ZBTB20: variants seen among roughly 807,000 people sequenced by gnomAD.
ZBTB20 encodes the protein zinc finger and BTB domain containing 20.
ZBTB20 carries 9 observed loss-of-function variants against 56.9 expected under a neutral mutation model. The ratio of observed to expected loss-of-function variants is 0.16; its 90% CI spans 0.10 to 0.28. The LOEUF is 0.28. ZBTB20 is among the 10% of genes least tolerant of loss of function. The probability of loss-of-function intolerance (pLI) is 1.00; values close to 1 mark genes in which losing one functional copy is unlikely to be tolerated. For missense variants in ZBTB20, 655 were observed against 1,003.0 expected, an observed-to-expected ratio of 0.65 and a Z score of 4.69; for synonymous variants, 417 against 420.7, an observed-to-expected ratio of 0.99 and a Z score of 0.11.
intron 7 of ZBTB20, among the ~76,000 whole-genome samples, chr3:114,406,917 G>C (rs2087387671): frequency 6.6e-6 from 1 of 152,042 alleles, no homozygotes; most frequent in Admixed American, 6.5e-5. Context: ...ACATATCTTT[G>C]TTTTCTTAAA....
At position 114,663,417 on chromosome 3, in the gene ZBTB20, C is replaced by G. The variant is rs1292969495; in HGVS notation, c.-295+30111G>C. On this transcript the variant is annotated intron_variant, in intron 6 of 11. Transcript: ENST00000675478. ...TAAACATGGAAAGGAACAACCGGTA[C>G]CAGCCGCTGCAAAATCATGCCAAAA... Among the ~76,000 whole-genome samples, 108 of 147,194 alleles carry G rather than the reference C, an allele frequency of 7.3e-4. 1 individual carries two copies. Among genetic ancestry groups the G allele is most frequent in the African/African-American group, 2.6e-3 (104 of 40,240 alleles).
At chr3:115,029,506 G>C (rs940454550) in intron 2 of ZBTB20, among the ~76,000 whole-genome samples, 2 of 150,752 alleles carry the variant, frequency 1.3e-5, no homozygotes, top group African/African-American at 4.8e-5. Flanking sequence ...TGTAGTCCTA[G>C]TAAACCATAT....
At chr3:114,894,728 C>T (rs1023890246) in intron 4 of ZBTB20, among the ~76,000 whole-genome samples, 1 of 152,154 alleles carries the variant, frequency 6.6e-6, no homozygotes, top group Non-Finnish European at 1.5e-5. Flanking sequence ...ACAGATCCTT[C>T]CCTCACAGCC....
At chr3:114,562,654 T>G (rs2052222210) in intron 6 of ZBTB20, among the ~76,000 whole-genome samples, 1 of 152,226 alleles carries the variant, frequency 6.6e-6, no homozygotes, top group African/African-American at 2.4e-5. Context: ...CTCACTAAGC[T>G]TAATCATTTT....
At chr3:114,631,013 C>T (rs2058907089) in intron 6 of ZBTB20, among the ~76,000 whole-genome samples, 1 of 152,034 alleles carries the variant, frequency 6.6e-6, no homozygotes, top group African/African-American at 2.4e-5. Flanking sequence ...AATAAGAGGC[C>T]AGTAGATAAA....
At chr3:114,814,405 G>A (rs2072777584) in intron 4 of ZBTB20, among the ~76,000 whole-genome samples, 1 of 151,790 alleles carries the variant, frequency 6.6e-6, no homozygotes, top group African/African-American at 2.4e-5. Context: ...ACCCTTCCAT[G>A]TAACAATTCA....
chr3:115,058,020 G>A (rs938778478), intron 2 of ZBTB20, among the ~76,000 whole-genome samples: 2 of 152,046 alleles, frequency 1.3e-5, no homozygotes, highest in African/African-American at 4.8e-5. Flanking sequence ...TGAGCAAAAG[G>A]GGGAAAAGCC....
chr3:114,834,964 C>T (rs1445396802), intron 4 of ZBTB20, among the ~76,000 whole-genome samples: 3 of 152,122 alleles, frequency 2.0e-5, no homozygotes, highest in Admixed American at 6.6e-5. Flanking sequence ...CTTAAAGCCA[C>T]AGTGAAAGGA....
chr3:114,550,694 GA>G (rs1353667012), intron 6 of ZBTB20, among the ~76,000 whole-genome samples: 5 of 152,102 alleles, frequency 3.3e-5, no homozygotes, highest in African/African-American at 1.2e-4. Flanking sequence ...TCAGTTTGTG[GA>G]TTTGCTCTAC....
At chr3:114,709,631 C>G (rs1266102690) in intron 5 of ZBTB20, among the ~76,000 whole-genome samples, 2 of 152,138 alleles carry the variant, frequency 1.3e-5, no homozygotes, top group Admixed American at 6.6e-5. Flanking sequence ...GTTGAAAATA[C>G]AAGTGCTAGG....
chr3:114,849,738 C>T (rs936678721), intron 4 of ZBTB20, among the ~76,000 whole-genome samples: 1 of 152,030 alleles, frequency 6.6e-6, no homozygotes, highest in Non-Finnish European at 1.5e-5. Context: ...TATACACATG[C>T]ATAGCAAAAA....
At chr3:114,580,475 A>T (rs2054535463) in intron 6 of ZBTB20, among the ~76,000 whole-genome samples, 1 of 151,812 alleles carries the variant, frequency 6.6e-6, no homozygotes. Flanking sequence ...TCCTATTCAC[A>T]CTATACTGAG....
chr3:114,834,879 T>C (rs1465288367), intron 4 of ZBTB20, among the ~76,000 whole-genome samples: 1 of 152,182 alleles, frequency 6.6e-6, no homozygotes, highest in East Asian at 1.9e-4. Flanking sequence ...TATATTTGTA[T>C]TAAAATATTC....
rs1480654659 is a variant in ZBTB20, at chr3:114,335,942, C to T, written c.*3063G>A. ...GGTGGATTCTAACCCAATTGCTTAGCATTTTACATGGCAAATCAGCATTAA... is the reference window on the plus strand; with the variant it reads ...GGTGGATTCTAACCCAATTGCTTAGTATTTTACATGGCAAATCAGCATTAA... On this transcript the variant is annotated 3_prime_UTR_variant, in exon 12 of 12. Transcript: ENST00000675478. 1 of 152,192 alleles carries T rather than the reference C, an allele frequency of 6.6e-6. No individual in the cohort carries two copies. The highest frequency in any genetic ancestry group is 1.5e-5 in the Non-Finnish European group (1 of 68,044). 9.4% of individuals were successfully genotyped at this position (152,192 alleles called of 1,614,324 possible).
At chr3:115,012,365 G>A (rs989876980) in intron 2 of ZBTB20, among the ~76,000 whole-genome samples, 2 of 151,744 alleles carry the variant, frequency 1.3e-5, no homozygotes, top group Admixed American at 6.6e-5. Flanking sequence ...AAAATAAAAG[G>A]ATGGGAAAAG....
chr3:114,457,736 G>T (rs1038651972), intron 7 of ZBTB20, among the ~76,000 whole-genome samples: 2 of 152,008 alleles, frequency 1.3e-5, no homozygotes, highest in East Asian at 1.9e-4. Flanking sequence ...ACCAATATCC[G>T]CATTTCATAG....
In ZBTB20 at chr3:114,338,938, G is replaced by T; in HGVS notation, c.*67C>A. 6.9e-7 allele frequency: 1 copy of T among 1,444,464 alleles called. No individual in the cohort carries two copies. Among genetic ancestry groups the T allele is most frequent in the Non-Finnish European group, 9.2e-7 (1 of 1,088,296 alleles). The allele number at this position is 1,444,464 out of a possible 1,614,324, so 89.5% of individuals were successfully genotyped here. ...ACATTTCTTAAATTCTAGTGCCATA[G>T]CTTTTTTGTTTGTTTGTTTTTTGTT... is the stretch of plus-strand genomic sequence containing the variant. On this transcript the variant is annotated 3_prime_UTR_variant, in exon 12 of 12. Transcript: ENST00000675478.
chr3:114,435,188 T>G (rs1445733563), intron 7 of ZBTB20, among the ~76,000 whole-genome samples: 2 of 152,112 alleles, frequency 1.3e-5, no homozygotes, highest in African/African-American at 4.8e-5. Flanking sequence ...TTTCCTTTTA[T>G]TATCATATGA....
intron 1 of ZBTB20, among the ~76,000 whole-genome samples, chr3:115,139,531 A>G (rs1028840177): frequency 1.3e-5 from 2 of 152,052 alleles, no homozygotes; most frequent in Non-Finnish European, 2.9e-5. Context: ...GTGCATGGAT[A>G]TAATATAAGA....
Sources: gnomAD v4.1 joint callset for allele counts (sites outside exome capture counted in the v4.1 genomes callset) on GRCh38, gnomAD v4.1.1 for gene constraint, MANE v1.5 for transcripts, NCBI Gene and HGNC (gene_info 2026-07-23, HGNC 2026-07-21) for gene names.